The following TTN variants were observed in gnomAD, a reference collection of about 807,000 sequenced individuals.
The protein encoded by TTN is titin.
TTN carries 1,525 observed loss-of-function variants against 3,223.0 expected under a neutral mutation model. That is an observed-to-expected ratio of 0.47 (90% CI 0.45 to 0.49). The LOEUF is 0.49. TTN is among the 20% of genes least tolerant of loss of function. The probability of loss-of-function intolerance (pLI) is 0.00; values close to 1 mark genes in which losing one functional copy is unlikely to be tolerated. For synonymous variants in TTN, 14,094 were observed against 15,161.0 expected (o/e 0.93, Z 5.17); for missense variants, 40,786 against 43,424.0 (o/e 0.94, Z 5.40).
rs897521028 is a variant in TTN, at chr2:178,775,975, T to G, written c.5889A>C (p.Lys1963Asn). The change falls in exon 28 of 363, where the codon AAA (lysine) becomes AAC (asparagine). Residue 1963 changes from lysine (K) to asparagine (N), a missense_variant. Physicochemically the swap from Lys to Asn is moderately conservative, Grantham distance 94. Coordinates refer to ENST00000589042, the MANE Select transcript of TTN (RefSeq NM_001267550.2). ...CAGTGGTGTCAACAGGTCTATCCAC[T>G]TTTTGTACTTCAAACTGAAGCTTTC... ...EPGKLQFEVQ[K>N]VDRPVDTTET... The G allele has an allele frequency of 4.3e-6, 7 of 1,614,182 alleles. No homozygotes were observed. In the Admixed American group the frequency reaches 1.0e-4, roughly 23 times the overall value.
rs1460359915 is a variant in TTN at position 178,545,900 on chromosome 2, A to G, written c.95336T>C (p.Ile31779Thr). The G allele has an allele frequency of 1.5e-5, 24 of 1,613,766 alleles. No homozygotes were observed. Among genetic ancestry groups the G allele is most frequent in the Non-Finnish European group, 1.7e-5 (20 of 1,179,802 alleles). Residue 31779 changes from isoleucine (I) to threonine (T), a missense_variant, in exon 343 of 363, where the codon ATA becomes ACA. Ile to Thr is a moderately conservative substitution (Grantham distance 89). Coordinates refer to ENST00000589042, the MANE Select transcript of TTN (RefSeq NM_001267550.2). ...VTRLIKNNEY[I>T]FRVRAVNKYG... ...TTTGTTTACTGCCCTCACTCGGAAT[A>G]TGTACTCATTGTTCTTGATGAGCCT...
rs1335965945 is a variant in TTN, at chr2:178,665,392, T to A, written c.36028A>T (p.Thr12010Ser). The A allele has an allele frequency of 1.2e-6, 2 of 1,612,248 alleles. No homozygotes were observed. The highest frequency in any genetic ancestry group is 1.7e-6 in the Non-Finnish European group (2 of 1,179,558). ...IFEDVPEEPE[T>S]PRMKTPEAPQ... Reference sequence around the variant, plus strand: ...GGTAACGTACTTTTCATACGTGGAGTTTCTGGCTCTTCAGGTACATCCTCA... The same window carrying A: ...GGTAACGTACTTTTCATACGTGGAGATTCTGGCTCTTCAGGTACATCCTCA... Residue 12010 changes from threonine to serine, a missense_variant, in exon 165 of 363, where the codon ACT becomes TCT. Physicochemically the swap from Thr to Ser is moderately conservative, Grantham distance 58. Transcript: ENST00000589042.
In TTN at chr2:178,557,713, G is replaced by T; in HGVS notation, c.87641C>A (p.Ala29214Glu). Residue 29214 changes from alanine to glutamate, a missense_variant, in exon 328 of 363, where the codon GCA becomes GAA. Transcript: ENST00000589042. Reference sequence around the variant, plus strand: ...ATCACTGATGCCAAAGCGGTTTTCTGCCTTGATGCGGAATTGGTATTCTTC... The same window carrying T: ...ATCACTGATGCCAAAGCGGTTTTCTTCCTTGATGCGGAATTGGTATTCTTC... ...TGEEYQFRIK[A>E]ENRFGISDHI... is the part of the protein sequence containing the mutation. 6.2e-7 allele frequency: 1 copy of T among 1,613,934 alleles called. No individual in the cohort carries two copies. The highest frequency in any genetic ancestry group is 8.5e-7 in the Non-Finnish European group (1 of 1,179,860).
chr2:178,701,065 C>T, intron 111 of TTN, 55 bp downstream of exon 111: 3 of 1,545,864 alleles, frequency 1.9e-6, no homozygotes, highest in Non-Finnish European at 1.8e-6. Flanking sequence ...CAACATTTTT[C>T]GGGTCAGCAG....
chr2:178,545,265 A>G (rs370855530), intron 344 of TTN, 123 bp downstream of exon 344: 1 of 848,464 alleles, frequency 1.2e-6, no homozygotes, highest in South Asian at 3.5e-5. Flanking sequence ...GATCATGCAA[A>G]TAAGCATGTG....
In TTN at chr2:178,563,903, C is replaced by T; in HGVS notation, c.82229G>A (p.Arg27410Lys). 3 of 1,613,720 alleles carry T rather than the reference C, an allele frequency of 1.9e-6. No individual in the cohort carries two copies. The highest frequency in any genetic ancestry group is 2.5e-6 in the Non-Finnish European group (3 of 1,179,738). ...ANISHYIIEKRETSRLSWTQV... is the reference protein window; with the variant it reads ...ANISHYIIEKKETSRLSWTQV... ...GGTCCAAGAGAGTCGGCTTGTCTCC[C>T]TCTTTTCAATGATGTAATGTGAAAT... The change falls in exon 326 of 363, where the codon AGG becomes AAG. Residue 27410 changes from arginine to lysine, a missense_variant. Transcript: ENST00000589042. The surrounding 1 kb of genome is among the most constrained non-coding windows in gnomAD (Gnocchi z 4.5).
At position 178,712,384 on chromosome 2, in the gene TTN, C is replaced by T. The variant is rs1435275543; in HGVS notation, c.27538G>A (p.Gly9180Arg). ...EIPSSTVEDA[G>R]QYNCYIENAS... ...TTTTCAATGTAGCAGTTGTATTGTC[C>T]TGCATCCTCTACTGTGCTACTTGGA... is the stretch of plus-strand genomic sequence containing the variant. The change falls in exon 95 of 363, where the codon GGA (glycine) becomes AGA (arginine). Residue 9180 changes from glycine (G) to arginine (R), a missense_variant. By Grantham distance (125) the Gly-to-Arg change is moderately radical. Transcript: ENST00000589042. The T allele has an allele frequency of 6.2e-7, 1 of 1,613,672 alleles. No homozygotes were observed. Among genetic ancestry groups the T allele is most frequent in the Non-Finnish European group, 8.5e-7 (1 of 1,179,812 alleles).
Position 178,652,062 on chromosome 2 carries a change from T to A in TTN, c.39295+34A>T, listed in dbSNP as rs758421639. The A allele has an allele frequency of 3.0e-5, 49 of 1,612,114 alleles. No homozygotes were observed. The Middle Eastern group carries it at 6.6e-4, about 22-fold the overall frequency. ...TTACAACACTAAGGAAAGATTTTTT[T>A]AAAAAACACTAATTTGAATAGTTTC... is the stretch of plus-strand genomic sequence containing the variant. On this transcript the variant is annotated intron_variant, in intron 204 of 362. Transcript: ENST00000589042.
rs1221056685 is a variant in TTN, at chr2:178,730,367, G to C, written c.18033C>G (p.Pro6011=). 6.4e-7 allele frequency: 1 copy of C among 1,573,046 alleles called. No homozygotes were observed. Among genetic ancestry groups the C allele is most frequent in the South Asian group, 1.2e-5 (1 of 84,246 alleles). ...QCSGHLTVKE[P]PYFVEKPQSQ... ...ACTGTGGCTTTTCCACAAAGTAAGG[G>C]GGTTCTGAGGTGAAAGAAAAAACAA... Residue 6011 remains proline (P), a synonymous_variant, in exon 62 of 363, where the codon CCC becomes CCG. Coordinates refer to ENST00000589042, the MANE Select transcript of TTN (RefSeq NM_001267550.2).
At position 178,756,752 on chromosome 2, in the gene TTN, G is replaced by A. The variant is rs747728476; in HGVS notation, c.10724C>T (p.Ser3575Phe). ...RQSSGKDVRESTKSQAVADSS... is the reference protein window; with the variant it reads ...RQSSGKDVREFTKSQAVADSS... Reference sequence around the variant, plus strand: ...ATCTGCCACTGCCTGGGACTTGGTGGACTCTCTTACATCTTTCCCAGAACT... The same window carrying A: ...ATCTGCCACTGCCTGGGACTTGGTGAACTCTCTTACATCTTTCCCAGAACT... Residue 3575 changes from serine to phenylalanine, a missense_variant, in exon 46 of 363, where the codon TCC becomes TTC. By Grantham distance (155) the Ser-to-Phe change is radical. Transcript: ENST00000589042. 1.2e-6 allele frequency: 2 copies of A among 1,613,760 alleles called. No homozygotes were observed. Among genetic ancestry groups the A allele is most frequent in the South Asian group, 2.2e-5 (2 of 91,084 alleles).
At chr2:178,711,650 C>T (rs2076670877) in intron 96 of TTN, among the ~76,000 whole-genome samples, 1 of 152,112 alleles carries the variant, frequency 6.6e-6, no homozygotes, top group African/African-American at 2.4e-5. Context: ...AGACTGCCTT[C>T]TAGCAATTTG....
chr2:178,673,507 T>C (rs2067377464), intron 152 of TTN, 126 bp downstream of exon 152: 1 of 606,662 alleles, frequency 1.6e-6, no homozygotes, highest in Admixed American at 3.8e-5. Flanking sequence ...GAGTTATATT[T>C]TTACTGGTCC....
rs2075891206 is a variant in TTN at position 178,706,476 on chromosome 2, C to T, written c.29398G>A (p.Asp9800Asn). ...ERKKQEKIEG[D>N]LRAMLKKTPI... is the part of the protein sequence containing the mutation. ...CACTTTTTCAGCATTGCTCTAAGAT[C>T]GCCTTCAATTTTCTCTTGTTTCTTC... Residue 9800 changes from aspartate (D) to asparagine (N), a missense_variant, in exon 102 of 363, where the codon GAT becomes AAT. By Grantham distance (23) the Asp-to-Asn change is conservative. Transcript: ENST00000589042. 6 of 1,612,854 alleles carry T rather than the reference C, an allele frequency of 3.7e-6. No individual in the cohort carries two copies. Among genetic ancestry groups the T allele is most frequent in the African/African-American group, 1.3e-5 (1 of 74,836 alleles).
chr2:178,648,082 T>C (rs1369838949), intron 213 of TTN, among the ~76,000 whole-genome samples: 1 of 152,054 alleles, frequency 6.6e-6, no homozygotes, highest in Non-Finnish European at 1.5e-5. Context: ...TTGCAATGGG[T>C]CTTTACTATT....
chr2:178,766,090 G>A (rs2090352226), intron 41 of TTN, among the ~76,000 whole-genome samples: 2 of 152,184 alleles, frequency 1.3e-5, no homozygotes, highest in South Asian at 4.1e-4. Flanking sequence ...AGCGAATCTA[G>A]AAGCTCATCT....
At position 178,781,249 on chromosome 2, in the gene TTN, T is replaced by C. The variant is rs1433964543; in HGVS notation, c.3395A>G (p.Tyr1132Cys). ...LTTGYRYKVS[Y>C]NKQTGECKLV... Reference sequence around the variant, plus strand: ...CTTGCATTCACCGGTTTGTTTGTTGTAACTCACTTTGTATCTTTATGTAAA... The same window carrying C: ...CTTGCATTCACCGGTTTGTTTGTTGCAACTCACTTTGTATCTTTATGTAAA... Residue 1132 changes from tyrosine to cysteine, a missense_variant, in exon 21 of 363, where the codon TAC becomes TGC. Physicochemically the swap from Tyr to Cys is radical, Grantham distance 194. Coordinates refer to ENST00000589042, the MANE Select transcript of TTN (RefSeq NM_001267550.2). 1.2e-6 allele frequency: 2 copies of C among 1,613,876 alleles called. No homozygotes were observed. The highest frequency in any genetic ancestry group is 2.7e-5 in the African/African-American group (2 of 74,938).
rs1024625225 is a variant in TTN at position 178,536,290 on chromosome 2, G to A, written c.100457C>T (p.Thr33486Ile). ...SEWSEISEPI[T>I]PKSDVPIQAP... ...CTGAATTGGGACATCAGATTTGGGAGTGATGGGTTCTGATATTTCACTCCA... is the reference window on the plus strand; with the variant it reads ...CTGAATTGGGACATCAGATTTGGGAATGATGGGTTCTGATATTTCACTCCA... The change falls in exon 357 of 363, where the codon ACT (threonine) becomes ATT (isoleucine). Residue 33486 changes from threonine to isoleucine, a missense_variant. Physicochemically the swap from Thr to Ile is moderately conservative, Grantham distance 89. Transcript: ENST00000589042. 3 of 1,613,584 alleles carry A rather than the reference G, an allele frequency of 1.9e-6. No individual in the cohort carries two copies. Among genetic ancestry groups the A allele is most frequent in the Admixed American group, 3.3e-5 (2 of 59,976 alleles).
In TTN at chr2:178,553,737, A is replaced by C; in HGVS notation, c.89268T>G (p.Ser29756Arg). 6.2e-7 allele frequency: 1 copy of C among 1,613,328 alleles called. No individual in the cohort carries two copies. Among genetic ancestry groups the C allele is most frequent in the Non-Finnish European group, 8.5e-7 (1 of 1,179,550 alleles). The change falls in exon 334 of 363, where the codon AGT (serine) becomes AGG (arginine). Residue 29756 changes from serine (S) to arginine (R), a missense_variant. Physicochemically the swap from Ser to Arg is moderately radical, Grantham distance 110 (BLOSUM62 -1). Coordinates refer to ENST00000589042, the MANE Select transcript of TTN (RefSeq NM_001267550.2). ...STKSSITLGW[S>R]KPVYDGGSAV... is the part of the protein sequence containing the mutation. ...CACTGCCCCCATCATAGACAGGCTT[A>C]CTCCAGCCAAGGGTGATGGATGACT... is the stretch of plus-strand genomic sequence containing the variant.
intron 48 of TTN, 25 bp downstream of exon 48, chr2:178,739,116 A>T: frequency 2.0e-6 from 3 of 1,491,306 alleles, no homozygotes; most frequent in Non-Finnish European, 2.7e-6. Context: ...TTAGCATTTG[A>T]TCTATTTTAT....
Sources: gnomAD v4.1 joint callset for allele counts (sites outside exome capture counted in the v4.1 genomes callset) on GRCh38, gnomAD v4.1.1 for gene constraint, Gnocchi (gnomAD v3.1) non-coding constraint, MANE v1.5 for transcripts, NCBI Gene and HGNC (gene_info 2026-07-23, HGNC 2026-07-21) for gene names.